The following MAP1LC3A variants were observed in gnomAD, a reference collection of about 807,000 sequenced individuals.
The protein encoded by MAP1LC3A is microtubule associated protein 1 light chain 3 alpha.
MAP1LC3A carries 10 observed loss-of-function variants against 15.2 expected under a neutral mutation model. That is an observed-to-expected ratio of 0.66 (90% CI 0.41 to 1.12). MAP1LC3A has a LOEUF of 1.12. Ranked by LOEUF, MAP1LC3A falls within the 50% of genes most tolerant of loss-of-function variation. The pLI, the probability that MAP1LC3A is intolerant of heterozygous loss-of-function variation, is 0.00. For missense variants in MAP1LC3A, 138 were observed against 167.3 expected (o/e 0.82, Z 0.97); for synonymous variants, 63 against 64.3 (o/e 0.98, Z 0.10).
rs962541205 is a variant in MAP1LC3A at position 34,560,196 on chromosome 20, C to T, written c.*298C>T. The T allele has an allele frequency of 1.8e-5, 6 of 328,542 alleles. No individual in the cohort carries two copies. Among genetic ancestry groups the T allele is most frequent in the Non-Finnish European group, 2.8e-5 (5 of 175,860 alleles). The allele number at this position is 328,542 out of a possible 1,614,324, so 20.4% of individuals were successfully genotyped here. ...GGCCCCTGCCTGTCTGCCCATCTGC[C>T]CCTCACCCACCCGAGGCTCTGCCCA... is the stretch of plus-strand genomic sequence containing the variant. On this transcript the variant is annotated 3_prime_UTR_variant, in exon 4 of 4. Coordinates refer to ENST00000360668, the MANE Select transcript of MAP1LC3A (RefSeq NM_032514.4).
At chr20:34,547,881 A>G (rs1211625937) in intron 1 of MAP1LC3A, among the ~76,000 whole-genome samples, 2 of 152,130 alleles carry the variant, frequency 1.3e-5, no homozygotes, top group Non-Finnish European at 2.9e-5. Flanking sequence ...TGCAGGTGTG[A>G]GCCACCGCAC....
chr20:34,559,603 A>C, intron 3 of MAP1LC3A, 133 bp from the exon 4 acceptor site: 3 of 1,245,620 alleles, frequency 2.4e-6, no homozygotes, highest in Non-Finnish European at 3.4e-6. Context: ...TCGGGGCTGC[A>C]GTCGGTGTTG....
At chr20:34,554,088 C>A (rs553166499), upstream of MAP1LC3A, among the ~76,000 whole-genome samples, 1 of 146,700 alleles carries the variant, frequency 6.8e-6, no homozygotes, top group South Asian at 2.1e-4. Flanking sequence ...GTGGAAAGAG[C>A]CCATCTTTCC....
At position 34,552,581 on chromosome 20, in the gene MAP1LC3A, G is replaced by A. The variant is rs551249607; in HGVS notation, c.52+2552G>A. 5.1e-4 allele frequency among the ~76,000 whole-genome samples: 77 copies of A among 152,326 alleles called. 2 individuals are homozygous for A. The South Asian group carries it at 7.5e-3, about 15-fold the overall frequency. On this transcript the variant is annotated intron_variant, in intron 2 of 4. Transcript: ENST00000374837. The stretch of plus-strand genomic sequence containing the variant: ...GAGTAGCGGGGAGGCAGATCCCACG[G>A]CCTCCTGGGCCACCATCCATCAGCC...
chr20:34,559,012 C>G (rs922523357), intron 1 of MAP1LC3A, 104 bp downstream of exon 1: 20 of 1,338,860 alleles, frequency 1.5e-5, no homozygotes, highest in Non-Finnish European at 1.9e-5. Flanking sequence ...TGGCTGGACC[C>G]TCGGGCTGGG....
At chr20:34,554,836 TTTTTTGTATTTTGTAA>T (rs1233721980), upstream of MAP1LC3A, among the ~76,000 whole-genome samples, 8 of 151,754 alleles carry the variant, frequency 5.3e-5, no homozygotes, top group African/African-American at 1.7e-4. Context: ...CCCAGCTAAT[TTTTTTGTATTTTGTAA>T]TTTTTGTATT....
At position 34,559,756 on chromosome 20, in the gene MAP1LC3A, C is replaced by A; in HGVS notation, c.224C>A (p.Pro75His). Reference protein sequence around the residue: ...KIIRRRLQLNPTQAFFLLVNQ... With the variant: ...KIIRRRLQLNHTQAFFLLVNQ... ...TGCAGGCGCCGCCTGCAGCTGAACC[C>A]CACGCAGGCCTTCTTCCTGCTGGTG... is the stretch of plus-strand genomic sequence containing the variant. The change falls in exon 4 of 4, where the codon CCC becomes CAC. Residue 75 changes from proline (P) to histidine (H), a missense_variant. Pro to His is a moderately conservative substitution (Grantham distance 77). Coordinates refer to ENST00000360668, the MANE Select transcript of MAP1LC3A (RefSeq NM_032514.4). 6 of 1,610,396 alleles carry A rather than the reference C, an allele frequency of 3.7e-6. No individual in the cohort carries two copies. The highest frequency in any genetic ancestry group is 5.1e-6 in the Non-Finnish European group (6 of 1,179,078).
chr20:34,547,485 G>A (rs1481187315), intron 1 of MAP1LC3A, among the ~76,000 whole-genome samples: 1 of 137,874 alleles, frequency 7.3e-6, no homozygotes, highest in Non-Finnish European at 1.5e-5. Flanking sequence ...GTCTGGCTCT[G>A]CCCCACCCAA....
At chr20:34,549,961 C>G (rs756279966) in exon 2 of MAP1LC3A, 10 of 1,613,638 alleles carry the variant, frequency 6.2e-6, no homozygotes, top group Non-Finnish European at 7.6e-6. Flanking sequence ...AGTTCTGACA[C>G]TGTCTCAGTT....
exon 2 of MAP1LC3A, chr20:34,549,976 A>G: frequency 1.2e-6 from 2 of 1,614,106 alleles, no homozygotes; most frequent in Non-Finnish European, 1.7e-6. Context: ...TCAGTTTTGC[A>G]GATGAAGATG....
At chr20:34,559,171 G>C (rs915362628) in intron 1 of MAP1LC3A, 37 bp from the exon 2 acceptor site, 1 of 1,524,954 alleles carries the variant, frequency 6.6e-7, no homozygotes, top group South Asian at 1.3e-5. Context: ...ACCTGGGCCG[G>C]CCCGACCCGG....
chr20:34,558,897 G>T lies in MAP1LC3A; in HGVS notation c.29G>T (p.Arg10Leu). The T allele has an allele frequency of 7.0e-7, 1 of 1,419,336 alleles. No individual in the cohort carries two copies. The highest frequency in any genetic ancestry group is 9.2e-7 in the Non-Finnish European group (1 of 1,091,486). The allele number at this position is 1,419,336 out of a possible 1,614,324, so 87.9% of individuals were successfully genotyped here. A position where few individuals can be genotyped will look rare whatever the true frequency, so the allele number is the denominator to read the frequency against. The stretch of plus-strand genomic sequence containing the variant: ...CCCTCAGACCGGCCTTTCAAGCAGC[G>T]GCGGAGCTTCGGTGAGGCCCGGCAG... MPSDRPFKQ[R>L]RSFADRCKEV... Residue 10 changes from arginine (R) to leucine (L), a missense_variant, in exon 1 of 4, where the codon CGG becomes CTG. Coordinates refer to ENST00000360668, the MANE Select transcript of MAP1LC3A (RefSeq NM_032514.4). This position sits in a 1 kb window ranked among gnomAD's most constrained non-coding sequence, Gnocchi z 4.3.
chr20:34,556,069 C>T (rs1039880807), upstream of MAP1LC3A, among the ~76,000 whole-genome samples: 2 of 151,114 alleles, frequency 1.3e-5, no homozygotes, highest in Admixed American at 6.6e-5. Context: ...GTCTCGATCT[C>T]CTGACCTCGT....
At chr20:34,551,390 T>G (rs1981941564) in intron 2 of MAP1LC3A, among the ~76,000 whole-genome samples, 1 of 150,448 alleles carries the variant, frequency 6.6e-6, no homozygotes, top group Non-Finnish European at 1.5e-5. Flanking sequence ...TGGTGAGAAA[T>G]GAGAATAATG....
intron 1 of MAP1LC3A, among the ~76,000 whole-genome samples, chr20:34,548,054 A>G (rs1318976076): frequency 6.6e-6 from 1 of 152,116 alleles, no homozygotes. Context: ...GTGGGACGAC[A>G]CAGATGGGCT....
chr20:34,547,575 C>T (rs148330731), intron 1 of MAP1LC3A, among the ~76,000 whole-genome samples: 26 of 151,910 alleles, frequency 1.7e-4, no homozygotes, highest in African/African-American at 5.1e-4. Context: ...ATCATGGGGG[C>T]GGTTCCCCCA....
upstream of MAP1LC3A, among the ~76,000 whole-genome samples, chr20:34,557,281 T>C (rs1174875550): frequency 1.3e-5 from 2 of 152,262 alleles, no homozygotes; most frequent in Non-Finnish European, 2.9e-5. Flanking sequence ...TCTCCCTTTC[T>C]GCCTTCCATT....
chr20:34,554,615 G>A (rs1306727725), upstream of MAP1LC3A, among the ~76,000 whole-genome samples: 2 of 151,222 alleles, frequency 1.3e-5, no homozygotes, highest in African/African-American at 2.4e-5. Context: ...CTCATGATCC[G>A]CCTGCCTTGG....
chr20:34,548,841 G>A (rs1350720765), intron 1 of MAP1LC3A, among the ~76,000 whole-genome samples: 2 of 151,790 alleles, frequency 1.3e-5, no homozygotes. Context: ...GAGTAGCTGA[G>A]ACTACAGGCG....
Sources: allele counts gnomAD v4.1 joint callset (sites outside exome capture counted in the v4.1 genomes callset), GRCh38; gene constraint gnomAD v4.1.1; non-coding constraint Gnocchi (gnomAD v3.1); transcripts MANE v1.5; gene names NCBI Gene and HGNC (gene_info 2026-07-23, HGNC 2026-07-21).